Variants in PLPP3 observed in about 807,000 individuals in gnomAD.
PLPP3 encodes the protein phospholipid phosphatase 3.
A neutral mutation model predicts 29.6 loss-of-function variants in PLPP3; 6 were observed. The ratio of observed to expected loss-of-function variants is 0.20; its 90% CI spans 0.11 to 0.40. The LOEUF (loss-of-function observed/expected upper bound fraction) is 0.40, where lower values mean the gene tolerates loss of function less well. Ranked by LOEUF, PLPP3 falls within the 10% of genes least tolerant of loss-of-function variation. The pLI is 1.00. For synonymous variants in PLPP3, 152 were observed against 159.7 expected, an observed-to-expected ratio of 0.95 and a Z score of 0.36; for missense variants, 308 against 407.7, an observed-to-expected ratio of 0.76 and a Z score of 2.11.
At chr1:56,550,377 G>A (rs909432040) in intron 1 of PLPP3, among the ~76,000 whole-genome samples, 2 of 152,158 alleles carry the variant, frequency 1.3e-5, no homozygotes, top group African/African-American at 4.8e-5. Context: ...GCTGGGTAAT[G>A]CATTTTTCAG....
At chr1:56,532,539 C>T (rs1418639882) in intron 2 of PLPP3, among the ~76,000 whole-genome samples, 1 of 152,126 alleles carries the variant, frequency 6.6e-6, no homozygotes, top group Admixed American at 6.6e-5. Context: ...ACTGAATAAA[C>T]AAGTCTTGCA....
intron 2 of PLPP3, among the ~76,000 whole-genome samples, chr1:56,532,149 C>A (rs1930763): frequency 0.94 from 143,757 of 152,234 alleles, 68,440 homozygotes; most frequent in East Asian, 1. Flanking sequence ...ATTTAGTGCA[C>A]TCTCCATGCC....
chr1:56,532,955 G>C (rs533978675), intron 2 of PLPP3, among the ~76,000 whole-genome samples: 3 of 152,210 alleles, frequency 2.0e-5, no homozygotes, highest in South Asian at 4.2e-4. Context: ...AGACAGCTAC[G>C]GAATGCTTCC....
intron 1 of PLPP3, among the ~76,000 whole-genome samples, chr1:56,557,518 A>T (rs1646093275): frequency 6.6e-6 from 1 of 152,226 alleles, no homozygotes; most frequent in Admixed American, 6.5e-5. Flanking sequence ...TAGCTATAGC[A>T]ACCTGGCATA....
intron 1 of PLPP3, among the ~76,000 whole-genome samples, chr1:56,555,796 C>T (rs967882042): frequency 3.9e-5 from 6 of 152,086 alleles, no homozygotes; most frequent in Admixed American, 1.3e-4. Flanking sequence ...AGGTGTGAGC[C>T]ACATATTTTA....
intron 1 of PLPP3, among the ~76,000 whole-genome samples, chr1:56,563,425 GA>G (rs1186718758): frequency 6.6e-6 from 1 of 152,158 alleles, no homozygotes; most frequent in Non-Finnish European, 1.5e-5. Flanking sequence ...AGACTGATAA[GA>G]AGAATTAACA....
At chr1:56,578,760 G>C (rs1306595962) in intron 1 of PLPP3, 118 bp downstream of exon 1, 3 of 1,133,150 alleles carry the variant, frequency 2.6e-6, no homozygotes, top group Non-Finnish European at 3.3e-6. Context: ...AAGGCTGCGG[G>C]GGCCCCCCGG....
chr1:56,555,930 G>T (rs1168955991), intron 1 of PLPP3, among the ~76,000 whole-genome samples: 1 of 152,184 alleles, frequency 6.6e-6, no homozygotes, highest in South Asian at 2.1e-4. Flanking sequence ...CCATCAAACA[G>T]TCTCACACTA....
At chr1:56,571,154 C>T (rs1307745923) in intron 1 of PLPP3, among the ~76,000 whole-genome samples, 1 of 152,182 alleles carries the variant, frequency 6.6e-6, no homozygotes, top group East Asian at 1.9e-4. Flanking sequence ...GGTTCTAGGT[C>T]CTCCTCTTTC....
chr1:56,551,074 G>A (rs757873966), intron 1 of PLPP3, among the ~76,000 whole-genome samples: 43 of 152,236 alleles, frequency 2.8e-4, no homozygotes, highest in Non-Finnish European at 2.6e-4. Context: ...ACTGCACAAT[G>A]TTGTACTCTG....
At chr1:56,498,948 T>C (rs1436702609) in intron 5 of PLPP3, among the ~76,000 whole-genome samples, 1 of 152,174 alleles carries the variant, frequency 6.6e-6, no homozygotes, top group Non-Finnish European at 1.5e-5. Flanking sequence ...TACTTTTAAC[T>C]TCACTTATTC....
At chr1:56,536,663 C>T (rs11590570) in intron 2 of PLPP3, among the ~76,000 whole-genome samples, 15,214 of 152,148 alleles carry the variant, frequency 0.1, 1,714 homozygotes, top group African/African-American at 0.27. Context: ...AACTGTAAGT[C>T]TGCGAGATGG....
chr1:56,564,551 G>A (rs11810635), intron 1 of PLPP3, among the ~76,000 whole-genome samples: 12,605 of 152,222 alleles, frequency 0.083, 968 homozygotes, highest in East Asian at 0.24. Flanking sequence ...GGCAAGCACA[G>A]CTGCAACAAC....
chr1:56,547,344 GC>G (rs1646012489), intron 1 of PLPP3, among the ~76,000 whole-genome samples: 3 of 152,116 alleles, frequency 2.0e-5, no homozygotes, highest in South Asian at 4.1e-4. Flanking sequence ...GGAAGACCTG[GC>G]CCCCTACCAA....
At chr1:56,563,137 T>C (rs1400804863) in intron 1 of PLPP3, among the ~76,000 whole-genome samples, 1 of 152,204 alleles carries the variant, frequency 6.6e-6, no homozygotes, top group African/African-American at 2.4e-5. Flanking sequence ...CTGTACAAAA[T>C]GGACCTACTC....
intron 2 of PLPP3, among the ~76,000 whole-genome samples, chr1:56,533,785 C>G (rs1194404914): frequency 1.3e-5 from 2 of 152,174 alleles, no homozygotes; most frequent in Admixed American, 1.3e-4. Flanking sequence ...AAGTATAGCT[C>G]CAAGGGGCCC....
At chr1:56,534,596 GC>G (rs2100263175) in intron 2 of PLPP3, among the ~76,000 whole-genome samples, 1 of 152,250 alleles carries the variant, frequency 6.6e-6, no homozygotes, top group African/African-American at 2.4e-5. Flanking sequence ...TGTCACTCTT[GC>G]CCTCTAATCA....
chr1:56,504,256 A>T (rs562361489), intron 5 of PLPP3, among the ~76,000 whole-genome samples: 1 of 152,292 alleles, frequency 6.6e-6, no homozygotes, highest in South Asian at 2.1e-4. Flanking sequence ...CTTGAGCCCA[A>T]GAGTTTAAGG....
chr1:56,542,785 G>A (rs927125691), intron 1 of PLPP3, among the ~76,000 whole-genome samples: 2 of 152,080 alleles, frequency 1.3e-5, no homozygotes, highest in African/African-American at 4.8e-5. Context: ...CCTTTGGGAG[G>A]CTGAGGCAGT....
Sources: allele counts gnomAD v4.1 joint callset (sites outside exome capture counted in the v4.1 genomes callset), GRCh38; gene constraint gnomAD v4.1.1; transcripts MANE v1.5; gene names NCBI Gene and HGNC (gene_info 2026-07-23, HGNC 2026-07-21).